The following ATP2B2 variants were observed in gnomAD, a reference collection of about 807,000 sequenced individuals.
ATP2B2 encodes the protein plasma membrane calcium-transporting ATPase 2.
A neutral mutation model predicts 120.0 loss-of-function variants in ATP2B2; 15 were observed. That is an observed-to-expected ratio of 0.12 (90% CI 0.08 to 0.19). The LOEUF is 0.19. Among genes scored for constraint, ATP2B2 ranks in the 10% least tolerant of loss-of-function variants. The pLI, the probability that ATP2B2 is intolerant of heterozygous loss-of-function variation, is 1.00. For synonymous variants in ATP2B2, 694 were observed against 700.3 expected (o/e 0.99, Z 0.14); for missense variants, 1,045 against 1,719.8 (o/e 0.61, Z 6.94).
At chr3:10,697,587 G>T (rs1365573872) in intron 1 of ATP2B2, among the ~76,000 whole-genome samples, 1 of 152,156 alleles carries the variant, frequency 6.6e-6, no homozygotes, top group Admixed American at 6.5e-5. Flanking sequence ...CATCTCTGGG[G>T]CCTCTTCCTA....
intron 1 of ATP2B2, among the ~76,000 whole-genome samples, chr3:10,471,206 G>A (rs879772089): frequency 3.9e-5 from 6 of 152,202 alleles, no homozygotes; most frequent in African/African-American, 1.2e-4. Flanking sequence ...TCCAGCGCGC[G>A]GCTGTGAGGG....
intron 1 of ATP2B2, among the ~76,000 whole-genome samples, chr3:10,487,652 A>C (rs533733820): frequency 1.4e-4 from 22 of 152,356 alleles, no homozygotes; most frequent in Non-Finnish European, 2.6e-4. Context: ...TACTCAATGA[A>C]AACTTGCGAA....
rs148230951 is a variant in ATP2B2, at chr3:10,379,274, C to T, written c.1011G>A (p.Gln337=). Residue 337 remains glutamine, a synonymous_variant, in exon 9 of 23, where the codon CAG becomes CAA. Transcript: ENST00000360273. ...ANASLVNGKM[Q]DGNVDASQSK... ...TCTGGCTGGCGTCCACATTGCCATC[C>T]TGCATTTTACCTACACGACAAAGAA... 6 of 1,613,752 alleles carry T rather than the reference C, an allele frequency of 3.7e-6. No individual in the cohort carries two copies. In the African/African-American group the frequency reaches 8.0e-5, roughly 22 times the overall value.
chr3:10,527,807 G>A (rs962531711), intron 3 of ATP2B2, among the ~76,000 whole-genome samples: 2 of 152,222 alleles, frequency 1.3e-5, no homozygotes, highest in African/African-American at 2.4e-5. Flanking sequence ...ACGGACACAA[G>A]TACCCTCTCT....
chr3:10,489,740 C>A (rs112071573), intron 1 of ATP2B2, among the ~76,000 whole-genome samples: 5 of 152,332 alleles, frequency 3.3e-5, no homozygotes, highest in African/African-American at 1.2e-4. Context: ...TCTGCCCTAC[C>A]CCAGCTGCAC....
intron 21 of ATP2B2, chr3:10,338,595 CT>C: frequency 1.9e-6 from 1 of 524,384 alleles, no homozygotes; most frequent in East Asian, 3.4e-5. Flanking sequence ...GTGCAATTTG[CT>C]TTTTAATTCA....
intron 1 of ATP2B2, among the ~76,000 whole-genome samples, chr3:10,695,363 T>A (rs954471902): frequency 6.6e-6 from 1 of 151,480 alleles, no homozygotes; most frequent in African/African-American, 2.4e-5. Flanking sequence ...GAACAGCACA[T>A]GAAAGACCTG....
intron 2 of ATP2B2, among the ~76,000 whole-genome samples, chr3:10,560,089 G>T (rs937960197): frequency 2.5e-4 from 38 of 152,136 alleles, no homozygotes; most frequent in Admixed American, 2.4e-3. Context: ...AATCTAGCAG[G>T]CAATTAAATT....
intron 9 of ATP2B2, 77 bp from the exon 10 acceptor site, chr3:10,378,487 C>T (rs2061439854): frequency 9.5e-6 from 15 of 1,576,780 alleles, no homozygotes; most frequent in East Asian, 2.2e-5. Context: ...AGGGTGGAGA[C>T]GCTGGCACCC....
chr3:10,520,170 C>G (rs942739293), intron 3 of ATP2B2, among the ~76,000 whole-genome samples: 3 of 152,230 alleles, frequency 2.0e-5, no homozygotes, highest in African/African-American at 7.2e-5. Context: ...TGTCGGCTGC[C>G]TGTCCTTAGC....
intron 1 of ATP2B2, among the ~76,000 whole-genome samples, chr3:10,668,411 A>G (rs1037103419): frequency 6.6e-6 from 1 of 152,228 alleles, no homozygotes. Context: ...TCTACCAGGA[A>G]TGACAACACC....
chr3:10,433,359 C>T (rs34855), intron 2 of ATP2B2, among the ~76,000 whole-genome samples: 122,301 of 152,068 alleles, frequency 0.8, 49,988 homozygotes, highest in Non-Finnish European at 0.88. Context: ...TGGCTTTCGC[C>T]CAGCTGACAG....
intron 2 of ATP2B2, among the ~76,000 whole-genome samples, chr3:10,609,437 C>T (rs909122903): frequency 4.6e-5 from 7 of 152,212 alleles, no homozygotes; most frequent in Non-Finnish European, 5.9e-5. Flanking sequence ...CAAGCCTCCT[C>T]GGCGCGCCTG....
At chr3:10,355,947 C>T (rs1472877128) in intron 14 of ATP2B2, among the ~76,000 whole-genome samples, 3 of 75,988 alleles carry the variant, frequency 3.9e-5, no homozygotes, top group East Asian at 0.023. Context: ...TGGTAGCGGG[C>T]GCCTGTAGTC....
chr3:10,624,979 T>C (rs4684731), intron 1 of ATP2B2, among the ~76,000 whole-genome samples: 14,322 of 152,254 alleles, frequency 0.094, 781 homozygotes, highest in South Asian at 0.22. Context: ...AAGCGGGCCT[T>C]TCTGTGTCCT....
chr3:10,418,406 A>C (rs1194675131), intron 2 of ATP2B2, among the ~76,000 whole-genome samples: 1 of 152,194 alleles, frequency 6.6e-6, no homozygotes, highest in African/African-American at 2.4e-5. Flanking sequence ...GACATTTAAC[A>C]TATGGCTTAC....
chr3:10,640,102 A>C (rs999582589), intron 1 of ATP2B2, among the ~76,000 whole-genome samples: 2 of 152,230 alleles, frequency 1.3e-5, no homozygotes, highest in African/African-American at 4.8e-5. Context: ...AATGGGAATC[A>C]GCCAGCACTG....
At chr3:10,652,439 A>G (rs1281568434) in intron 1 of ATP2B2, among the ~76,000 whole-genome samples, 2 of 152,258 alleles carry the variant, frequency 1.3e-5, no homozygotes, top group South Asian at 4.1e-4. Flanking sequence ...GCTATGGCTT[A>G]GTCACTTAAG....
chr3:10,356,011 CTTGCAG>C (rs2060714014), intron 14 of ATP2B2, among the ~76,000 whole-genome samples: 1 of 51,074 alleles, frequency 2.0e-5, no homozygotes. Context: ...GGAGGCGGAG[CTTGCAG>C]TGAGCCGAGA....
Sources: allele counts gnomAD v4.1 joint callset (sites outside exome capture counted in the v4.1 genomes callset), GRCh38; gene constraint gnomAD v4.1.1; transcripts MANE v1.5; gene names NCBI Gene and HGNC (gene_info 2026-07-23, HGNC 2026-07-21).